The following MROH1 variants were observed in gnomAD, a reference collection of about 807,000 sequenced individuals.
MROH1 encodes maestro heat-like repeat-containing protein family member 1.
In MROH1, 117 loss-of-function variants were observed where a neutral mutation model predicts 116.5. That is an observed-to-expected ratio of 1.00 (90% confidence interval 0.86 to 1.17). The LOEUF is 1.17. Ranked by LOEUF, MROH1 falls within the 50% of genes most tolerant of loss-of-function variation. The probability of loss-of-function intolerance (pLI) is 0.00; values close to 1 mark genes in which losing one functional copy is unlikely to be tolerated. For missense variants in MROH1, 1,873 were observed against 1,338.5 expected, an observed-to-expected ratio of 1.40 and a Z score of -6.23; for synonymous variants, 921 against 583.9, an observed-to-expected ratio of 1.58 and a Z score of -8.32.
intron 4 of MROH1, among the ~76,000 whole-genome samples, chr8:144,169,902 C>A (rs938359360): frequency 2.6e-5 from 4 of 152,214 alleles, no homozygotes; most frequent in Non-Finnish European, 5.9e-5. Context: ...GGCACGATCT[C>A]GGCTCACTGC....
chr8:144,210,489 C>T (rs1378515964), intron 12 of MROH1, among the ~76,000 whole-genome samples: 6 of 152,000 alleles, frequency 3.9e-5, no homozygotes, highest in African/African-American at 1.2e-4. Flanking sequence ...GCCAGGAGTT[C>T]GAAACCAGCC....
intron 7 of MROH1, among the ~76,000 whole-genome samples, chr8:144,184,525 C>T (rs1826462596): frequency 6.6e-6 from 1 of 152,218 alleles, no homozygotes; most frequent in Admixed American, 6.5e-5. Context: ...GGACAGGGTC[C>T]TACAAGGACA....
intron 3 of MROH1, among the ~76,000 whole-genome samples, chr8:144,165,566 G>A (rs962844322): frequency 1.3e-5 from 2 of 151,932 alleles, no homozygotes; most frequent in African/African-American, 4.8e-5. Flanking sequence ...ACTATGCAGG[G>A]CCTCAATCTT....
chr8:144,242,456 G>T lies in MROH1; in HGVS notation c.2266G>T (p.Val756Leu), dbSNP rs1028718967. 1.3e-5 allele frequency: 10 copies of T among 780,578 alleles called. No individual in the cohort carries two copies. Among genetic ancestry groups the T allele is most frequent in the African/African-American group, 3.4e-5 (2 of 59,146 alleles). 48.4% of individuals were successfully genotyped at this position (780,578 alleles called of 1,614,324 possible). A position where few individuals can be genotyped will look rare whatever the true frequency, so the allele number is the denominator to read the frequency against. ...HVAARAPREL[V>L]LAKVESDILR... ...GGCGGCCCGGGCCCCCCGGGAGCTG[G>T]TGCTGGCCAAGGTAGAGTCAGACAT... Residue 756 changes from valine to leucine, a missense_variant, in exon 23 of 44, where the codon GTG becomes TTG. Transcript: ENST00000326134.
chr8:144,247,492 A>G, intron 30 of MROH1, 56 bp downstream of exon 30: 1 of 762,732 alleles, frequency 1.3e-6, no homozygotes, highest in South Asian at 1.4e-5. Context: ...GCTTGGAGGG[A>G]TGAGGTGCGG....
intron 1 of MROH1, among the ~76,000 whole-genome samples, chr8:144,159,571 C>A (rs1818982203): frequency 6.6e-6 from 1 of 152,102 alleles, no homozygotes; most frequent in Admixed American, 6.6e-5. Context: ...TTTCTTTGCC[C>A]ATCCTTTTGC....
intron 2 of MROH1, among the ~76,000 whole-genome samples, chr8:144,162,799 T>A (rs1212254528): frequency 1.7e-5 from 2 of 116,070 alleles, no homozygotes; most frequent in African/African-American, 5.6e-5. Context: ...CTTGGCTCAC[T>A]ACAACCTCCG....
At chr8:144,235,055 G>A (rs1839827325) in intron 14 of MROH1, among the ~76,000 whole-genome samples, 1 of 151,312 alleles carries the variant, frequency 6.6e-6, no homozygotes, top group Non-Finnish European at 1.5e-5. Context: ...ACCATGCCCA[G>A]CTGATTTGTT....
At chr8:144,234,146 A>C (rs1384448185) in intron 14 of MROH1, among the ~76,000 whole-genome samples, 1 of 152,084 alleles carries the variant, frequency 6.6e-6, no homozygotes, top group Non-Finnish European at 1.5e-5. Context: ...AGCAGCTGGG[A>C]CTACAGGCGC....
chr8:144,197,417 C>CTTTTT (rs79749774), intron 10 of MROH1, among the ~76,000 whole-genome samples: 471 of 42,492 alleles, frequency 0.011, 132 homozygotes, highest in Non-Finnish European at 0.012. Flanking sequence ...GCTGCAGCAT[C>CTTTTT]TTTTTTTTTT....
intron 1 of MROH1, among the ~76,000 whole-genome samples, chr8:144,151,197 G>A (rs1303606305): frequency 1.4e-5 from 2 of 140,530 alleles, no homozygotes; most frequent in Non-Finnish European, 3.0e-5. Flanking sequence ...ACAGTGAGCC[G>A]AGATTGCGCC....
intron 3 of MROH1, among the ~76,000 whole-genome samples, chr8:144,167,189 T>TTGGGGTGGAGTGGCCAGATG (rs879553609): frequency 2.1e-5 from 3 of 144,226 alleles, no homozygotes; most frequent in Non-Finnish European, 3.0e-5. Context: ...TGGCCGGTTG[T>TTGGGGTGGAGTGGCCAGATG]TGGGGTGGAG....
At position 144,168,445 on chromosome 8, in the gene MROH1, G is replaced by T. The variant is rs1161995624; in HGVS notation, c.168+5G>T. 3 of 1,601,516 alleles carry T rather than the reference G, an allele frequency of 1.9e-6. No homozygotes were observed. The African/African-American group carries it at 4.0e-5, about 21-fold the overall frequency. Reference sequence around the variant, plus strand: ...TATCTGCGGCAGCATGACAAGGTATGTGTGCTCCTTGGTGGGGATGATGTT... The same window carrying T: ...TATCTGCGGCAGCATGACAAGGTATTTGTGCTCCTTGGTGGGGATGATGTT... On this transcript the variant is annotated splice_donor_5th_base_variant and intron_variant, in intron 4 of 43. Coordinates refer to ENST00000326134, the MANE Select transcript of MROH1 (RefSeq NM_032450.3).
chr8:144,249,136 C>T (rs920580673), intron 32 of MROH1, 107 bp downstream of exon 32: 28 of 685,104 alleles, frequency 4.1e-5, no homozygotes, highest in Middle Eastern at 3.7e-4. Flanking sequence ...GGTGGCACTG[C>T]GGGAGAAAAC....
intron 10 of MROH1, among the ~76,000 whole-genome samples, chr8:144,198,778 C>G (rs536286420): frequency 2.1e-4 from 32 of 152,306 alleles, no homozygotes; most frequent in Non-Finnish European, 4.6e-4. Context: ...TTGGGAATCT[C>G]TTTTCCTGCT....
chr8:144,222,398 C>T (rs1313351638), intron 13 of MROH1, among the ~76,000 whole-genome samples: 4 of 152,118 alleles, frequency 2.6e-5, no homozygotes, highest in African/African-American at 4.8e-5. Flanking sequence ...TCCTTCCCTA[C>T]GGACCTGAGC....
intron 36 of MROH1, 121 bp downstream of exon 36, chr8:144,259,035 C>CT (rs1157313068): frequency 1.2e-4 from 77 of 642,888 alleles, no homozygotes; most frequent in East Asian, 1.2e-3. Flanking sequence ...CCCTGGGCTC[C>CT]TGCCTGTTCA....
intron 4 of MROH1, among the ~76,000 whole-genome samples, chr8:144,175,778 C>T (rs978532948): frequency 6.6e-6 from 1 of 152,168 alleles, no homozygotes; most frequent in Non-Finnish European, 1.5e-5. Flanking sequence ...ATGCCGGGCT[C>T]GGTGGCTCAC....
intron 1 of MROH1, among the ~76,000 whole-genome samples, chr8:144,154,591 C>T (rs1817602694): frequency 6.6e-6 from 1 of 151,828 alleles, no homozygotes; most frequent in Non-Finnish European, 1.5e-5. Flanking sequence ...AGCAATGAGA[C>T]GTGCTTTGGA....
Sources: gnomAD v4.1 joint callset for allele counts (sites outside exome capture counted in the v4.1 genomes callset) on GRCh38, gnomAD v4.1.1 for gene constraint, MANE v1.5 for transcripts, NCBI Gene and HGNC (gene_info 2026-07-23, HGNC 2026-07-21) for gene names.